BMAL2: variants seen among roughly 807,000 people sequenced by gnomAD.
BMAL2 encodes the protein basic helix-loop-helix ARNT-like protein 2.
At chr12:27,356,191 T>C in the BMAL2 span, among the ~76,000 whole-genome samples, 4 of 152,222 alleles carry the variant, frequency 2.6e-5, no homozygotes, top group Non-Finnish European at 2.9e-5. Context: ...TGGCCTCTTA[T>C]CTGTTTAGGC....
At chr12:27,337,900 A>G in the BMAL2 span, among the ~76,000 whole-genome samples, 10 of 152,274 alleles carry the variant, frequency 6.6e-5, no homozygotes, top group African/African-American at 2.4e-4. Context: ...CCTTCCCAGA[A>G]TCTCCTCGTC....
the BMAL2 span, among the ~76,000 whole-genome samples, chr12:27,353,350 G>A: frequency 6.6e-6 from 1 of 152,204 alleles, no homozygotes; most frequent in South Asian, 2.1e-4. Context: ...TCAGTAAACT[G>A]TGCTAGGATA....
chr12:27,385,686 T>A, the BMAL2 span: 16 of 601,728 alleles, frequency 2.7e-5, no homozygotes, highest in Non-Finnish European at 4.3e-5. Flanking sequence ...CGTATTTCCT[T>A]TAATATAGAA....
chr12:27,356,211 A>G, the BMAL2 span, among the ~76,000 whole-genome samples: 1 of 152,190 alleles, frequency 6.6e-6, no homozygotes, highest in African/African-American at 2.4e-5. Flanking sequence ...CGAAGGTGGA[A>G]TGCATTATGA....
the BMAL2 span, among the ~76,000 whole-genome samples, chr12:27,372,185 C>T: frequency 7.0e-6 from 1 of 142,718 alleles, no homozygotes; most frequent in Admixed American, 7.3e-5. Context: ...GAGCCAAGGT[C>T]GTGCCACTGC....
the BMAL2 span, among the ~76,000 whole-genome samples, chr12:27,419,013 A>G: frequency 2.0e-5 from 3 of 151,878 alleles, no homozygotes; most frequent in African/African-American, 7.3e-5. Context: ...TGGTTCTGTC[A>G]TTAAGAATTC....
chr12:27,333,224 C>A, the BMAL2 span: 2 of 912,950 alleles, frequency 2.2e-6, no homozygotes, highest in Non-Finnish European at 2.6e-6. Context: ...CGCGCCTGTC[C>A]TCTCGGGCCG....
the BMAL2 span, among the ~76,000 whole-genome samples, chr12:27,380,785 G>A: frequency 1.3e-5 from 2 of 151,976 alleles, no homozygotes; most frequent in Admixed American, 6.6e-5. Flanking sequence ...TGAGGTGGGC[G>A]GATGGCTTGA....
the BMAL2 span, among the ~76,000 whole-genome samples, chr12:27,341,701 G>T: frequency 6.6e-6 from 1 of 152,180 alleles, no homozygotes. Flanking sequence ...ACGTGCTCCA[G>T]ATATGCTCGC....
chr12:27,410,336 G>A, the BMAL2 span, among the ~76,000 whole-genome samples: 1,910 of 152,240 alleles, frequency 0.013, 45 homozygotes, highest in African/African-American at 0.044. Flanking sequence ...CAGAGACTGG[G>A]AACCAAGCCA....
chr12:27,417,046 G>C, the BMAL2 span, among the ~76,000 whole-genome samples: 1 of 152,106 alleles, frequency 6.6e-6, no homozygotes, highest in Admixed American at 6.5e-5. Context: ...TTTTCATACA[G>C]TTAGCACGTG....
the BMAL2 span, among the ~76,000 whole-genome samples, chr12:27,341,656 T>C: frequency 6.6e-6 from 1 of 152,238 alleles, no homozygotes; most frequent in Non-Finnish European, 1.5e-5. Context: ...TATGTTGTTC[T>C]ACCATCCCCA....
chr12:27,403,323 C>G, the BMAL2 span: 1 of 725,964 alleles, frequency 1.4e-6, no homozygotes, highest in East Asian at 2.8e-5. Context: ...TGTTTTCCAA[C>G]TTTTTTGGAT....
the BMAL2 span, among the ~76,000 whole-genome samples, chr12:27,346,438 T>G: frequency 1.4e-4 from 22 of 152,242 alleles, no homozygotes; most frequent in East Asian, 1.5e-3. Flanking sequence ...AATTTTTGTA[T>G]TTTTAGTAGA....
the BMAL2 span, chr12:27,389,304 T>C: frequency 1.3e-6 from 2 of 1,530,880 alleles, no homozygotes; most frequent in East Asian, 4.5e-5. Context: ...AAAGTAAGTG[T>C]CCATTTCCGC....
the BMAL2 span, among the ~76,000 whole-genome samples, chr12:27,365,054 A>C: frequency 6.6e-6 from 1 of 152,090 alleles, no homozygotes; most frequent in Admixed American, 6.6e-5. Flanking sequence ...CTATGTAGTC[A>C]ATCATATCAT....
At chr12:27,422,823 G>C in the BMAL2 span, 1 of 152,214 alleles carries the variant, frequency 6.6e-6, no homozygotes, top group African/African-American at 2.4e-5. Context: ...GGGGTGGCAG[G>C]GTAGGCCATC....
the BMAL2 span, among the ~76,000 whole-genome samples, chr12:27,358,742 T>C: frequency 6.6e-6 from 1 of 152,258 alleles, no homozygotes. Flanking sequence ...ATCTATGCAC[T>C]TATACATGCA....
the BMAL2 span, among the ~76,000 whole-genome samples, chr12:27,412,430 T>A: frequency 6.6e-6 from 1 of 152,096 alleles, no homozygotes. Context: ...CCCAGGGAAC[T>A]AATATGAAGG....
Sources: gnomAD v4.1 joint callset for allele counts (sites outside exome capture counted in the v4.1 genomes callset) on GRCh38, gnomAD v4.1.1 for gene constraint, MANE v1.5 for transcripts, NCBI Gene and HGNC (gene_info 2026-07-23, HGNC 2026-07-21) for gene names.